Variants in ACSF3 observed in about 807,000 individuals in gnomAD.
ACSF3 encodes the protein acyl-CoA synthetase family member 3.
A neutral mutation model predicts 53.2 loss-of-function variants in ACSF3; 78 were observed. That is an observed-to-expected ratio of 1.47 (90% CI 1.22 to 1.77). The LOEUF (loss-of-function observed/expected upper bound fraction) is 1.77, where lower values mean the gene tolerates loss of function less well. ACSF3 is among the 40% of genes most tolerant of loss of function. ACSF3 has a pLI of 0.00. For synonymous variants in ACSF3, 414 were observed against 333.1 expected, an observed-to-expected ratio of 1.24 and a Z score of -2.65; for missense variants, 937 against 771.1, an observed-to-expected ratio of 1.22 and a Z score of -2.55.
At chr16:89,136,499 G>A (rs757187054) in intron 8 of ACSF3, 22 of 1,228,526 alleles carry the variant, frequency 1.8e-5, no homozygotes, top group Non-Finnish European at 2.3e-5. Flanking sequence ...GGGAGAGCAT[G>A]ATATTAAATA....
intron 7 of ACSF3, among the ~76,000 whole-genome samples, chr16:89,131,444 A>G (rs1222996962): frequency 6.6e-6 from 1 of 152,108 alleles, no homozygotes. Flanking sequence ...TCTTTCTCAG[A>G]TAATTCCAAT....
intron 7 of ACSF3, among the ~76,000 whole-genome samples, chr16:89,123,364 C>G (rs575093563): frequency 8.4e-4 from 128 of 152,310 alleles, no homozygotes; most frequent in African/African-American, 3.0e-3. Context: ...ACTCCCCACC[C>G]CACGCTCACA....
At chr16:89,130,743 T>C (rs1598030548) in intron 7 of ACSF3, among the ~76,000 whole-genome samples, 1 of 152,352 alleles carries the variant, frequency 6.6e-6, no homozygotes, top group South Asian at 2.1e-4. Context: ...TTCTCTCAGC[T>C]TCTTTAGTTT....
rs919989033 is a variant in ACSF3 at position 89,154,943 on chromosome 16, G to A, written c.*736G>A. 1.8e-5 allele frequency: 8 copies of A among 453,658 alleles called. No individual in the cohort carries two copies. Among genetic ancestry groups the A allele is most frequent in the Admixed American group, 2.4e-5 (1 of 42,540 alleles). The allele number at this position is 453,658 out of a possible 1,614,324, so 28.1% of individuals were successfully genotyped here. ...TCATCTCCACACCAGCCCCTCAGCC[G>A]GTGAACCCTCTCTCCCATCACCGTC... On this transcript the variant is annotated 3_prime_UTR_variant, in exon 11 of 11. Transcript: ENST00000614302.
At chr16:89,121,508 C>T (rs1906644247) in intron 7 of ACSF3, among the ~76,000 whole-genome samples, 1 of 152,240 alleles carries the variant, frequency 6.6e-6, no homozygotes, top group South Asian at 2.1e-4. Context: ...AGGATTTTAA[C>T]ATGAGAGTCT....
intron 10 of ACSF3, chr16:89,151,173 G>A: frequency 1.8e-6 from 1 of 568,464 alleles, no homozygotes; most frequent in Non-Finnish European, 3.0e-6. Flanking sequence ...CAGTTCAGAT[G>A]AAACAGATAA....
Position 89,120,832 on chromosome 16 carries a change from G to C in ACSF3, c.1158G>C (p.Gln386His), listed in dbSNP as rs748325350. 1 of 1,614,138 alleles carries C rather than the reference G, an allele frequency of 6.2e-7. No homozygotes were observed. Among genetic ancestry groups the C allele is most frequent in the Non-Finnish European group, 8.5e-7 (1 of 1,179,998 alleles). ...GSVGTPLPGV[Q>H]VRIVSENPQR... is the part of the protein sequence containing the mutation. ...TGGGGACCCCACTGCCTGGAGTACAGGTGCGCATTGTCTCAGAAAACCCAC... is the reference window on the plus strand; with the variant it reads ...TGGGGACCCCACTGCCTGGAGTACACGTGCGCATTGTCTCAGAAAACCCAC... Residue 386 changes from glutamine (Q) to histidine (H), a missense_variant, in exon 7 of 11, where the codon CAG becomes CAC. Transcript: ENST00000614302.
At chr16:89,124,822 T>C (rs1907648601) in intron 7 of ACSF3, among the ~76,000 whole-genome samples, 1 of 152,240 alleles carries the variant, frequency 6.6e-6, no homozygotes, top group Non-Finnish European at 1.5e-5. Context: ...AGACTACCCT[T>C]TCTGCATTGC....
intron 6 of ACSF3, among the ~76,000 whole-genome samples, chr16:89,118,545 C>T (rs74843509): frequency 0.018 from 2,353 of 128,574 alleles, 98 homozygotes; most frequent in East Asian, 0.13. Flanking sequence ...CTGCTCAGTG[C>T]ACTGTCCGTG....
chr16:89,106,583 T>C (rs1000597612), intron 4 of ACSF3, among the ~76,000 whole-genome samples: 2 of 152,252 alleles, frequency 1.3e-5, no homozygotes, highest in African/African-American at 4.8e-5. Flanking sequence ...TAAGCCACTA[T>C]GCCCAGCTGA....
At chr16:89,108,391 T>C (rs2151433548) in intron 4 of ACSF3, among the ~76,000 whole-genome samples, 1 of 152,368 alleles carries the variant, frequency 6.6e-6, no homozygotes, top group East Asian at 1.9e-4. Flanking sequence ...GCAGCTTTGC[T>C]GACAACAAAT....
intron 10 of ACSF3, chr16:89,149,632 G>A (rs1330844895): frequency 1.3e-5 from 2 of 152,360 alleles, no homozygotes; most frequent in South Asian, 2.1e-4. Flanking sequence ...GAGTGGAGAA[G>A]AATTTTATTG....
intron 10 of ACSF3, chr16:89,151,167 T>A: frequency 1.6e-6 from 1 of 623,616 alleles, no homozygotes. Context: ...AGTCAGCAGT[T>A]CAGATGAAAC....
Position 89,097,144 on chromosome 16 carries a change from G to T in ACSF3, c.-193-1447G>T, listed in dbSNP as rs1269588048. On this transcript the variant is annotated intron_variant, in intron 1 of 10. Coordinates refer to ENST00000614302, the MANE Select transcript of ACSF3 (RefSeq NM_001243279.3). ...GGGGGGCTGTGCTCTGGTAGTGTGT[G>T]CTGTGTGTGCTCAGCGTGTGGTTAG... is the stretch of plus-strand genomic sequence containing the variant. Among the ~76,000 whole-genome samples, 4 of 152,260 alleles carry T rather than the reference G, an allele frequency of 2.6e-5. No individual in the cohort carries two copies. In the East Asian group the frequency reaches 5.8e-4, roughly 22 times the overall value.
rs188427806 is a variant in ACSF3 at position 89,139,697 on chromosome 16, A to G, written c.1367-5570A>G. 3.1e-4 allele frequency among the ~76,000 whole-genome samples: 47 copies of G among 149,764 alleles called. 1 individual carries two copies. Among genetic ancestry groups the G allele is most frequent in the East Asian group, 2.2e-3 (11 of 5,004 alleles). On this transcript the variant is annotated intron_variant, in intron 8 of 10. Coordinates refer to ENST00000614302, the MANE Select transcript of ACSF3 (RefSeq NM_001243279.3). Reference sequence around the variant, plus strand: ...AACCTCCGCCTTCCGGGTTCAAGCAATTCTCCTGCTTCAGCCTCCCGAGAG... The same window carrying G: ...AACCTCCGCCTTCCGGGTTCAAGCAGTTCTCCTGCTTCAGCCTCCCGAGAG...
At position 89,125,369 on chromosome 16, in the gene ACSF3, T is replaced by C. The variant is rs111403902; in HGVS notation, c.1239+4456T>C. 2.1e-3 allele frequency among the ~76,000 whole-genome samples: 310 copies of C among 146,004 alleles called. 2 individuals carry two copies. Among genetic ancestry groups the C allele is most frequent in the African/African-American group, 7.5e-3 (298 of 39,644 alleles). On this transcript the variant is annotated intron_variant, in intron 7 of 10. Transcript: ENST00000614302. ...AAAAAAAAAAAAAAAAGAATTAGCT[T>C]GTCTATATCTACAAAAAGTTCTTTT...
At chr16:89,144,131 T>C (rs1256645019) in intron 8 of ACSF3, among the ~76,000 whole-genome samples, 3 of 152,200 alleles carry the variant, frequency 2.0e-5, no homozygotes, top group South Asian at 2.1e-4. Context: ...TATGGGCCCA[T>C]GCGTCATGAG....
chr16:89,105,393 G>A (rs2151424845), intron 4 of ACSF3, among the ~76,000 whole-genome samples: 1 of 152,310 alleles, frequency 6.6e-6, no homozygotes, highest in East Asian at 1.9e-4. Flanking sequence ...TGTCCTTGGT[G>A]AACGTCTGCT....
chr16:89,145,866 G>T, intron 9 of ACSF3, 72 bp from the exon 10 acceptor site: 1 of 1,317,812 alleles, frequency 7.6e-7, no homozygotes, highest in Non-Finnish European at 1.1e-6. Context: ...CTTCCTGTGT[G>T]TCCAGGCACT....
Sources: allele counts gnomAD v4.1 joint callset (sites outside exome capture counted in the v4.1 genomes callset), GRCh38; gene constraint gnomAD v4.1.1; transcripts MANE v1.5; gene names NCBI Gene and HGNC (gene_info 2026-07-23, HGNC 2026-07-21).